Variants in DGKH observed in about 807,000 individuals in gnomAD.
DGKH encodes DAG kinase eta.
DGKH carries 90 observed loss-of-function variants against 159.3 expected under a neutral mutation model. The ratio of observed to expected loss-of-function variants is 0.57; its 90% CI spans 0.48 to 0.67. The LOEUF is 0.67. DGKH is among the 30% of genes least tolerant of loss of function. DGKH has a pLI of 0.00. For missense variants in DGKH, 1,181 were observed against 1,506.1 expected, an observed-to-expected ratio of 0.78 and a Z score of 3.57; for synonymous variants, 536 against 553.8, an observed-to-expected ratio of 0.97 and a Z score of 0.45.
chr13:42,244,438 G>A (rs559308156), downstream of DGKH, among the ~76,000 whole-genome samples: 2 of 152,346 alleles, frequency 1.3e-5, no homozygotes, highest in African/African-American at 4.8e-5. Context: ...GCAACAGTGA[G>A]CAAAACAGAA....
chr13:42,218,957 A>C (rs1406567334), intron 26 of DGKH, among the ~76,000 whole-genome samples: 1 of 152,232 alleles, frequency 6.6e-6, no homozygotes, highest in Non-Finnish European at 1.5e-5. Flanking sequence ...ACAGAAAAAA[A>C]CACCAAAATA....
At chr13:42,086,319 G>A (rs1954300795) in intron 1 of DGKH, among the ~76,000 whole-genome samples, 1 of 152,152 alleles carries the variant, frequency 6.6e-6, no homozygotes, top group South Asian at 2.1e-4. Flanking sequence ...ATCAGATTCA[G>A]TAAGTGTTTA....
intron 13 of DGKH, among the ~76,000 whole-genome samples, chr13:42,184,556 T>A (rs575307099): frequency 2.0e-5 from 3 of 152,264 alleles, no homozygotes; most frequent in Admixed American, 1.3e-4. Flanking sequence ...AATAAAATGT[T>A]GGAAATGCCA....
At chr13:42,125,439 T>A (rs920244757) in intron 1 of DGKH, among the ~76,000 whole-genome samples, 1 of 152,202 alleles carries the variant, frequency 6.6e-6, no homozygotes, top group Non-Finnish European at 1.5e-5. Context: ...CTTGTGAAGT[T>A]GGTATTGTTA....
At chr13:42,085,739 T>C (rs1184392298) in intron 1 of DGKH, among the ~76,000 whole-genome samples, 5 of 152,220 alleles carry the variant, frequency 3.3e-5, no homozygotes, top group Non-Finnish European at 7.3e-5. Flanking sequence ...ATATTTAAGT[T>C]GAAATAATTG....
intron 6 of DGKH, 37 bp from the exon 7 acceptor site, chr13:42,159,974 A>T: frequency 1.9e-6 from 3 of 1,614,136 alleles, no homozygotes; most frequent in Non-Finnish European, 2.5e-6. Flanking sequence ...GGTGTCCGCC[A>T]GTCTTCACCT....
chr13:42,091,648 T>A (rs1192507676), intron 1 of DGKH, among the ~76,000 whole-genome samples: 1 of 152,116 alleles, frequency 6.6e-6, no homozygotes, highest in Non-Finnish European at 1.5e-5. Context: ...ACCTACAGAA[T>A]GGGAGGAAAT....
intron 1 of DGKH, among the ~76,000 whole-genome samples, chr13:42,088,438 TC>T (rs1954351089): frequency 6.6e-6 from 1 of 152,158 alleles, no homozygotes; most frequent in African/African-American, 2.4e-5. Flanking sequence ...AATAATGTTT[TC>T]TGGGGCTTAT....
intron 3 of DGKH, among the ~76,000 whole-genome samples, chr13:42,154,707 A>G (rs1442248492): frequency 2.0e-5 from 3 of 152,146 alleles, no homozygotes; most frequent in African/African-American, 7.2e-5. Context: ...TAAACTCAAT[A>G]TTATTTAAAT....
At position 42,199,358 on chromosome 13, in the gene DGKH, C is replaced by T. The variant is rs144196397; in HGVS notation, c.2286-208C>T. ...ACACCATAACTGTGTGTCTTACTCA[C>T]CATCCCTTTATGTCACATGTACCAG... is the stretch of plus-strand genomic sequence containing the variant. On this transcript the variant is annotated intron_variant, in intron 18 of 29. Transcript: ENST00000337343. Among the ~76,000 whole-genome samples, 17 of 152,284 alleles carry T rather than the reference C, an allele frequency of 1.1e-4. No homozygotes were observed. In the South Asian group the frequency reaches 3.5e-3, roughly 32 times the overall value.
At chr13:42,212,507 C>T (rs1013495997) in intron 24 of DGKH, among the ~76,000 whole-genome samples, 1 of 152,018 alleles carries the variant, frequency 6.6e-6, no homozygotes, top group Non-Finnish European at 1.5e-5. Flanking sequence ...TTTTTTGAAA[C>T]CAAAATATAC....
chr13:42,204,552 G>T (rs1425666334), intron 20 of DGKH, among the ~76,000 whole-genome samples: 1 of 152,180 alleles, frequency 6.6e-6, no homozygotes, highest in Non-Finnish European at 1.5e-5. Context: ...CTGAATTAGC[G>T]AACACAAGCT....
intron 1 of DGKH, among the ~76,000 whole-genome samples, chr13:42,078,278 C>T (rs1954136063): frequency 6.6e-6 from 1 of 152,202 alleles, no homozygotes; most frequent in Non-Finnish European, 1.5e-5. Flanking sequence ...AAATCAGAGG[C>T]TGCCACTGGA....
intron 1 of DGKH, among the ~76,000 whole-genome samples, chr13:42,093,227 G>T (rs1400404464): frequency 6.8e-6 from 1 of 146,222 alleles, no homozygotes; most frequent in Non-Finnish European, 1.5e-5. Context: ...CTGGGCGTCA[G>T]AGCAAAACTC....
chr13:42,238,031 T>G lies in DGKH; in HGVS notation c.*8843T>G, dbSNP rs973289526. 6.6e-6 allele frequency: 1 copy of G among 152,244 alleles called. No individual in the cohort carries two copies. The highest frequency in any genetic ancestry group is 1.5e-5 in the Non-Finnish European group (1 of 68,036). The allele number at this position is 152,244 out of a possible 1,614,324, so 9.4% of individuals were successfully genotyped here. A position where few individuals can be genotyped will look rare whatever the true frequency, so the allele number is the denominator to read the frequency against. ...GTTTAGGTTTATCCAGTTCTGTAACTGACTTTGGCATTGGCTCATTGTGTC... is the reference window on the plus strand; with the variant it reads ...GTTTAGGTTTATCCAGTTCTGTAACGGACTTTGGCATTGGCTCATTGTGTC... On this transcript the variant is annotated 3_prime_UTR_variant, in exon 30 of 30. Transcript: ENST00000337343.
Position 42,048,871 on chromosome 13 carries a change from G to C in DGKH, c.98G>C (p.Gly33Ala), listed in dbSNP as rs1880998291. The stretch of plus-strand genomic sequence containing the variant: ...GTCACCTCCGCCGCTGCCTCGGCGG[G>C]GCCGGGAGAGGATTCGTCTGACAGC... ...AAVTSAAASAGPGEDSSDSEA... is the reference protein window; with the variant it reads ...AAVTSAAASAAPGEDSSDSEA... Residue 33 changes from glycine to alanine, a missense_variant, in exon 1 of 30, where the codon GGG (glycine) becomes GCG (alanine). This residue lies in a region of DGKH where 136 missense variants were observed against 132.2 expected (regional missense o/e 1.03). Coordinates refer to ENST00000337343, the MANE Select transcript of DGKH (RefSeq NM_178009.5). This position sits in a 1 kb window ranked among gnomAD's most constrained non-coding sequence, Gnocchi z 6.7. The C allele has an allele frequency of 7.3e-7, 1 of 1,374,164 alleles. No homozygotes were observed. Among genetic ancestry groups the C allele is most frequent in the Non-Finnish European group, 9.4e-7 (1 of 1,058,986 alleles). 85.1% of individuals were successfully genotyped at this position (1,374,164 alleles called of 1,614,324 possible).
chr13:42,075,563 T>C (rs2137704939), intron 1 of DGKH, among the ~76,000 whole-genome samples: 1 of 152,310 alleles, frequency 6.6e-6, no homozygotes, highest in East Asian at 1.9e-4. Context: ...CCTTAACAGA[T>C]TTGTCAACTC....
rs1402046452 is a variant in DGKH, at chr13:42,126,622, C to CA, written c.193-840dup. ...CCACAGAGTCCCTGCCTACCTCTTA[C>CA]AGCTGCATCTCCCTCTGCTCCCTCT... On this transcript the variant is annotated intron_variant, in intron 1 of 29. Transcript: ENST00000337343. 6.6e-5 allele frequency among the ~76,000 whole-genome samples: 10 copies of CA among 152,356 alleles called. No homozygotes were observed. The South Asian group carries it at 2.1e-3, about 32-fold the overall frequency.
At chr13:42,200,245 CAA>C (rs1957314284) in intron 20 of DGKH, among the ~76,000 whole-genome samples, 1 of 152,082 alleles carries the variant, frequency 6.6e-6, no homozygotes, top group Non-Finnish European at 1.5e-5. Flanking sequence ...TCTGTAATAA[CAA>C]AAGTTTTTCA....
Sources: allele counts gnomAD v4.1 joint callset (sites outside exome capture counted in the v4.1 genomes callset), GRCh38; gene constraint gnomAD v4.1.1; regional missense constraint gnomAD v4.1.1; non-coding constraint Gnocchi (gnomAD v3.1); transcripts MANE v1.5; gene names NCBI Gene and HGNC (gene_info 2026-07-23, HGNC 2026-07-21).